Variants in MSC observed in about 807,000 individuals in gnomAD.
The protein encoded by MSC is activated B-cell factor 1, homolog of mouse musculin.
Under a neutral mutation model 14.4 loss-of-function variants are expected in MSC, and 16 were observed. The ratio of observed to expected loss-of-function variants is 1.11; its 90% confidence interval spans 0.75 to 1.69. The LOEUF is 1.69. MSC is among the 40% of genes most tolerant of loss of function. The pLI, the probability that MSC is intolerant of heterozygous loss-of-function variation, is 0.00. For missense variants in MSC, 320 were observed against 288.1 expected, an observed-to-expected ratio of 1.11 and a Z score of -0.80; for synonymous variants, 165 against 128.5, an observed-to-expected ratio of 1.28 and a Z score of -1.92.
At chr8:71,842,781 G>T (rs1372151078) in intron 1 of MSC, 34 bp from the exon 2 acceptor site, 18 of 1,595,720 alleles carry the variant, frequency 1.1e-5, no homozygotes, top group Non-Finnish European at 1.5e-5. Context: ...ATATTAGAGA[G>T]AAACGATTGT....
chr8:71,843,654 T>G lies in MSC; in HGVS notation c.525A>C (p.Pro175=). The G allele has an allele frequency of 6.2e-7, 1 of 1,614,194 alleles. No homozygotes were observed. The highest frequency in any genetic ancestry group is 8.5e-7 in the Non-Finnish European group (1 of 1,180,040). ...CGCGCCGCGCCCCTACCAGGTTCAC[T>G]GGGTGCACGTAGCCGTTCTCATAGC... is the stretch of plus-strand genomic sequence containing the variant. The part of the protein sequence containing the change: ...EDRYENGYVH[P]VNLTWPFVVS... The change falls in exon 1 of 2, where the codon CCA becomes CCC. Residue 175 remains proline (P), a synonymous_variant. Coordinates refer to ENST00000325509, the MANE Select transcript of MSC (RefSeq NM_005098.4).
rs972821766 is a variant in MSC, at chr8:71,841,683, T to G, written c.*978A>C. The G allele has an allele frequency of 1.3e-5, 2 of 152,256 alleles. No individual in the cohort carries two copies. Among genetic ancestry groups the G allele is most frequent in the Non-Finnish European group, 2.9e-5 (2 of 68,054 alleles). The allele number at this position is 152,256 out of a possible 1,614,324, so 9.4% of individuals were successfully genotyped here. Reference sequence around the variant, plus strand: ...CCTATCGCAGGATCACTTGCTATGGTAAGCCGCCCACCCTGCGCGCTCCTC... The same window carrying G: ...CCTATCGCAGGATCACTTGCTATGGGAAGCCGCCCACCCTGCGCGCTCCTC... On this transcript the variant is annotated 3_prime_UTR_variant, in exon 2 of 2. Coordinates refer to ENST00000325509, the MANE Select transcript of MSC (RefSeq NM_005098.4).
Position 71,843,669 on chromosome 8 carries a change from G to C in MSC, c.510C>G (p.Asn170Lys). The C allele has an allele frequency of 1.2e-6, 2 of 1,614,226 alleles. No homozygotes were observed. Among genetic ancestry groups the C allele is most frequent in the Non-Finnish European group, 1.7e-6 (2 of 1,180,046 alleles). ...CCAGGTTCACTGGGTGCACGTAGCC[G>C]TTCTCATAGCGGTCCTCCTGCAACA... ...RQLLQEDRYE[N>K]GYVHPVNLTW... Residue 170 changes from asparagine to lysine, a missense_variant, in exon 1 of 2, where the codon AAC becomes AAG. Asn to Lys is a moderately conservative substitution (Grantham distance 94). Transcript: ENST00000325509.
At chr8:71,842,943 C>T (rs1807415598) in intron 1 of MSC, 196 bp from the exon 2 acceptor site, 6 of 531,000 alleles carry the variant, frequency 1.1e-5, no homozygotes, top group Middle Eastern at 3.2e-4. Context: ...TTGCCATATC[C>T]GTTCACGCTT....
At position 71,844,186 on chromosome 8, in the gene MSC, T is replaced by TC. The variant is rs1451764416; in HGVS notation, c.-9dup. 5.1e-6 allele frequency: 8 copies of TC among 1,577,650 alleles called. No homozygotes were observed. The highest frequency in any genetic ancestry group is 6.9e-6 in the Non-Finnish European group (8 of 1,160,174). ...CACCGAGCCCGTGGACATCCCGTTGTCCCCCTTGCCCACACGCGTCCTCTT... is the reference window on the plus strand; with the variant it reads ...CACCGAGCCCGTGGACATCCCGTTGTCCCCCCTTGCCCACACGCGTCCTCTT... On this transcript the variant is annotated 5_prime_UTR_variant, in exon 1 of 2. Coordinates refer to ENST00000325509, the MANE Select transcript of MSC (RefSeq NM_005098.4).
chr8:71,842,868 G>A, intron 1 of MSC, 121 bp from the exon 2 acceptor site: 1 of 869,600 alleles, frequency 1.1e-6, no homozygotes, highest in Non-Finnish European at 2.0e-6. Flanking sequence ...TCAGCATTCT[G>A]GGAATTTGCA....
Position 71,842,462 on chromosome 8 carries a change from C to G in MSC, c.*199G>C. The G allele has an allele frequency of 1.6e-6, 1 of 630,538 alleles. No homozygotes were observed. The highest frequency in any genetic ancestry group is 2.9e-6 in the Non-Finnish European group (1 of 350,514). The allele number at this position is 630,538 out of a possible 1,614,324, so 39.1% of individuals were successfully genotyped here. ...AGAGGCAAAACGTGGTCGCCCAGAT[C>G]CGGCGCAGCTGTAGCCGTGGGCGCT... On this transcript the variant is annotated 3_prime_UTR_variant, in exon 2 of 2. Transcript: ENST00000325509.
chr8:71,843,612 G>T (rs199828727), intron 1 of MSC, 33 bp downstream of exon 1: 19 of 1,613,796 alleles, frequency 1.2e-5, no homozygotes, highest in Non-Finnish European at 1.5e-5. Context: ...TCTCCTGGCT[G>T]CTCTCCCGAA....
Position 71,843,870 on chromosome 8 carries a change from C to T in MSC, c.309G>A (p.Glu103=). ...KPLPAKGSAA[E]CKQSQRNAAN... Reference sequence around the variant, plus strand: ...CCGCGTTCCGCTGCGACTGCTTGCACTCTGCGGCTGAGCCCTTGGCCGGGA... The same window carrying T: ...CCGCGTTCCGCTGCGACTGCTTGCATTCTGCGGCTGAGCCCTTGGCCGGGA... Residue 103 remains glutamate, a synonymous_variant, in exon 1 of 2, where the codon GAG becomes GAA. Transcript: ENST00000325509. The T allele has an allele frequency of 6.2e-7, 1 of 1,611,284 alleles. No homozygotes were observed. The highest frequency in any genetic ancestry group is 1.7e-4 in the Middle Eastern group (1 of 6,028).
Position 71,844,315 on chromosome 8 carries a change from C to T in MSC, c.-137G>A, listed in dbSNP as rs964124126. On this transcript the variant is annotated 5_prime_UTR_variant, in exon 1 of 2. Transcript: ENST00000325509. ...GACTAAAAACCCAGGCCGGGAAGCG[C>T]GGGGTGAGAAAGCGAGGTGGGTGGC... 7.6e-7 allele frequency: 1 copy of T among 1,309,016 alleles called. No homozygotes were observed. The highest frequency in any genetic ancestry group is 1.1e-6 in the Non-Finnish European group (1 of 939,594). The allele number at this position is 1,309,016 out of a possible 1,614,324, so 81.1% of individuals were successfully genotyped here.
At position 71,842,555 on chromosome 8, in the gene MSC, G is replaced by C; in HGVS notation, c.*106C>G. On this transcript the variant is annotated 3_prime_UTR_variant, in exon 2 of 2. Coordinates refer to ENST00000325509, the MANE Select transcript of MSC (RefSeq NM_005098.4). The stretch of plus-strand genomic sequence containing the variant: ...CCAGGGAAAGGGGAAGGGTCAAGGA[G>C]AATCCAGCGGAAACTTCTTCCCATC... The C allele has an allele frequency of 1.9e-6, 2 of 1,076,556 alleles. No individual in the cohort carries two copies. Among genetic ancestry groups the C allele is most frequent in the Non-Finnish European group, 2.9e-6 (2 of 694,530 alleles). 66.7% of individuals were successfully genotyped at this position (1,076,556 alleles called of 1,614,324 possible). A position where few individuals can be genotyped will look rare whatever the true frequency, so the allele number is the denominator to read the frequency against.
At chr8:71,843,307 G>A (rs906972852) in intron 1 of MSC, 16 of 441,062 alleles carry the variant, frequency 3.6e-5, no homozygotes, top group African/African-American at 3.2e-4. Flanking sequence ...GACTCAGCTG[G>A]ATTAAGTTGG....
At chr8:71,843,287 A>G (rs560851802) in intron 1 of MSC, 40 of 409,724 alleles carry the variant, frequency 9.8e-5, no homozygotes, top group African/African-American at 7.7e-4. Flanking sequence ...TTGCCGATTC[A>G]AACCTGCCCG....
chr8:71,843,133 C>A, intron 1 of MSC: 1 of 331,932 alleles, frequency 3.0e-6, no homozygotes, highest in South Asian at 2.8e-5. Flanking sequence ...AGGATTTTTC[C>A]CAAGCCGGGA....
At position 71,844,154 on chromosome 8, in the gene MSC, G is replaced by A. The variant is rs771506761; in HGVS notation, c.25C>T (p.Pro9Ser). 6.5e-7 allele frequency: 1 copy of A among 1,546,966 alleles called. No individual in the cohort carries two copies. The highest frequency in any genetic ancestry group is 1.2e-5 in the South Asian group (1 of 80,564). The change falls in exon 1 of 2, where the codon CCG (proline) becomes TCG (serine). Residue 9 changes from proline (P) to serine (S), a missense_variant. Pro to Ser is a moderately conservative substitution (Grantham distance 74). Coordinates refer to ENST00000325509, the MANE Select transcript of MSC (RefSeq NM_005098.4). ...AGCCCCCGAAGCTCCATCTCCTCCG[G>A]ATCACTCACCGAGCCCGTGGACATC... MSTGSVSD[P>S]EEMELRGLQR...
rs964124126 is a variant in MSC, at chr8:71,844,315, C to G, written c.-137G>C. On this transcript the variant is annotated 5_prime_UTR_variant, in exon 1 of 2. Transcript: ENST00000325509. ...GACTAAAAACCCAGGCCGGGAAGCG[C>G]GGGGTGAGAAAGCGAGGTGGGTGGC... The G allele has an allele frequency of 1.5e-6, 2 of 1,309,016 alleles. No individual in the cohort carries two copies. The highest frequency in any genetic ancestry group is 1.5e-5 in the African/African-American group (1 of 68,158). 81.1% of individuals were successfully genotyped at this position (1,309,016 alleles called of 1,614,324 possible).
In MSC at chr8:71,843,928, C is replaced by T. The variant is rs1426652391; in HGVS notation, c.251G>A (p.Gly84Asp). ...RPRVAGGGGAGGSAGGGGKKP... is the reference protein window; with the variant it reads ...RPRVAGGGGADGSAGGGGKKP... ...CTTGCCACCACCGCCCGCGCTACCA[C>T]CTGCGCCGCCGCCCCCAGCCACACG... The change falls in exon 1 of 2, where the codon GGT becomes GAT. Residue 84 changes from glycine to aspartate, a missense_variant. By Grantham distance (94) the Gly-to-Asp change is moderately conservative. Transcript: ENST00000325509. The T allele has an allele frequency of 1.9e-5, 30 of 1,567,852 alleles. No individual in the cohort carries two copies. Among genetic ancestry groups the T allele is most frequent in the Non-Finnish European group, 2.6e-5 (30 of 1,158,882 alleles).
rs3779759 is a variant in MSC, at chr8:71,842,371, C to G, written c.*290G>C. The G allele has an allele frequency of 0.061, 24,424 of 401,434 alleles. 984 individuals carry two copies. Among genetic ancestry groups the G allele is most frequent in the East Asian group, 0.16 (2,962 of 18,372 alleles). 24.9% of individuals were successfully genotyped at this position (401,434 alleles called of 1,614,324 possible). A position where few individuals can be genotyped will look rare whatever the true frequency, so the allele number is the denominator to read the frequency against. On this transcript the variant is annotated 3_prime_UTR_variant, in exon 2 of 2. Transcript: ENST00000325509. ...GCTGGGGCAGCAGCCGAGAGTTAGTCTACAGAGCTAGGGCCCGAGGGTGGA... is the reference window on the plus strand; with the variant it reads ...GCTGGGGCAGCAGCCGAGAGTTAGTGTACAGAGCTAGGGCCCGAGGGTGGA...
Position 71,843,550 on chromosome 8 carries a change from G to A in MSC, c.534+95C>T, listed in dbSNP as rs552001428. 1.0e-3 allele frequency: 1,588 copies of A among 1,548,446 alleles called. 1 individual carries two copies. The highest frequency in any genetic ancestry group is 1.5e-3 in the Middle Eastern group (9 of 5,942). The stretch of plus-strand genomic sequence containing the variant: ...CAGTCCCAGAACCTCCACCCCTTTC[G>A]AATTCTTCCCAACGGGCTGACCCTG... On this transcript the variant is annotated intron_variant, in intron 1 of 1. Coordinates refer to ENST00000325509, the MANE Select transcript of MSC (RefSeq NM_005098.4).
Sources: gnomAD v4.1 joint callset for allele counts on GRCh38, gnomAD v4.1.1 for gene constraint, MANE v1.5 for transcripts, NCBI Gene and HGNC (gene_info 2026-07-23, HGNC 2026-07-21) for gene names.